The following ABCC11 variants were observed in gnomAD, a reference collection of about 807,000 sequenced individuals.
The protein encoded by ABCC11 is ATP-binding cassette sub-family C member 11.
ABCC11 carries 135 observed loss-of-function variants against 149.3 expected under a neutral mutation model. The observed-to-expected ratio is 0.90, with a 90% confidence interval of 0.79 to 1.04. ABCC11 has a LOEUF of 1.04. ABCC11 is among the 50% of genes least tolerant of loss of function. The pLI, the probability that ABCC11 is intolerant of heterozygous loss-of-function variation, is 0.00. For synonymous variants in ABCC11, 665 were observed against 671.4 expected (o/e 0.99, Z 0.15); for missense variants, 1,680 against 1,722.1 (o/e 0.98, Z 0.43).
At chr16:48,173,630 C>T (rs958459841) in intron 26 of ABCC11, among the ~76,000 whole-genome samples, 3 of 152,040 alleles carry the variant, frequency 2.0e-5, no homozygotes, top group East Asian at 1.9e-4. Context: ...TGTGTGGGGG[C>T]GGGGAAGGTT....
intron 1 of ABCC11, among the ~76,000 whole-genome samples, chr16:48,242,643 A>C (rs56999468): frequency 0.047 from 7,147 of 152,270 alleles, 231 homozygotes; most frequent in Middle Eastern, 0.15. Flanking sequence ...CTTGGAACCA[A>C]CCCAAATGTC....
At chr16:48,229,352 G>T (rs1260642523) in intron 3 of ABCC11, among the ~76,000 whole-genome samples, 1 of 151,080 alleles carries the variant, frequency 6.6e-6, no homozygotes, top group Admixed American at 6.6e-5. Context: ...CAGAAGCTCA[G>T]ATTTTAAAAA....
intron 22 of ABCC11, 126 bp downstream of exon 22, chr16:48,186,827 C>A: frequency 8.4e-7 from 1 of 1,192,422 alleles, no homozygotes; most frequent in Non-Finnish European, 1.2e-6. Context: ...CAGAGAAATA[C>A]GTCCATCGAA....
rs1326680243 is a variant in ABCC11 at position 48,215,303 on chromosome 16, T to C, written c.993A>G (p.Thr331=). The change falls in exon 8 of 30, where the codon ACA becomes ACG. Residue 331 remains threonine (T), a synonymous_variant. Transcript: ENST00000356608. Reference sequence around the variant, plus strand: ...GGATGCGCTGGTCGCTGACCTCAGATGTGTGATGCTGAGCCTTCACAGCCA... The same window carrying C: ...GGATGCGCTGGTCGCTGACCTCAGACGTGTGATGCTGAGCCTTCACAGCCA... The part of the protein sequence containing the change: ...TRMAVKAQHH[T]SEVSDQRIRV... The C allele has an allele frequency of 6.2e-7, 1 of 1,614,112 alleles. No individual in the cohort carries two copies. Among genetic ancestry groups the C allele is most frequent in the Non-Finnish European group, 8.5e-7 (1 of 1,179,956 alleles).
intron 4 of ABCC11, among the ~76,000 whole-genome samples, chr16:48,226,870 G>A (rs1207514459): frequency 6.6e-6 from 1 of 152,010 alleles, no homozygotes; most frequent in East Asian, 1.9e-4. Flanking sequence ...TGCTCTTTAT[G>A]GGGAGGCTCT....
chr16:48,175,204 A>C (rs1965968533), intron 26 of ABCC11, 54 bp downstream of exon 26: 25 of 1,573,752 alleles, frequency 1.6e-5, no homozygotes, highest in Non-Finnish European at 2.1e-5. Context: ...CCGGTGCTGG[A>C]ATCCTGGTCC....
chr16:48,241,135 C>A (rs554908442), intron 1 of ABCC11, among the ~76,000 whole-genome samples: 6 of 152,142 alleles, frequency 3.9e-5, no homozygotes, highest in Non-Finnish European at 8.8e-5. Context: ...GGGATTTCAC[C>A]ATGTTAGCCA....
At chr16:48,243,654 T>C (rs1385188172) in intron 1 of ABCC11, among the ~76,000 whole-genome samples, 1 of 152,140 alleles carries the variant, frequency 6.6e-6, no homozygotes, top group Non-Finnish European at 1.5e-5. Context: ...CAGACGAAAC[T>C]GGGTGAAAGG....
chr16:48,169,322 ACC>A (rs1379322070), intron 28 of ABCC11, among the ~76,000 whole-genome samples: 1 of 152,166 alleles, frequency 6.6e-6, no homozygotes, highest in Non-Finnish European at 1.5e-5. Context: ...ACCATGCCTC[ACC>A]CACACCACAA....
At chr16:48,228,804 CATAA>C (rs1970247881) in intron 3 of ABCC11, among the ~76,000 whole-genome samples, 1 of 151,690 alleles carries the variant, frequency 6.6e-6, no homozygotes, top group Non-Finnish European at 1.5e-5. Context: ...AAATTGAATA[CATAA>C]ATAATTAAAG....
intron 19 of ABCC11, 106 bp downstream of exon 19, chr16:48,193,773 G>A (rs1409879116): frequency 2.2e-6 from 2 of 906,974 alleles, no homozygotes; most frequent in Non-Finnish European, 3.4e-6. Context: ...GGCTTGTCAT[G>A]TGGGTCCCAA....
Position 48,198,189 on chromosome 16 carries a change from CT to C in ABCC11, c.2168del (p.Lys723ArgfsTer26). The C allele has an allele frequency of 1.2e-6, 2 of 1,614,188 alleles. No homozygotes were observed. Among genetic ancestry groups the C allele is most frequent in the Non-Finnish European group, 1.7e-6 (2 of 1,180,040 alleles). On this transcript the variant is annotated frameshift_variant, in exon 16 of 30. Coordinates refer to ENST00000356608, the MANE Select transcript of ABCC11 (RefSeq NM_001370497.1). LOFTEE classifies it high-confidence loss of function. ...TCTGGATAAGTTGGGCATATTTCCC[CT>C]TTTTCTGCATTAACTCACTGTGAGT... ...NGTHSELMQK[K>X]GKYAQLIQKM... is the part of the protein sequence containing the mutation.
At chr16:48,220,592 A>T (rs1404721403) in intron 6 of ABCC11, among the ~76,000 whole-genome samples, 1 of 152,204 alleles carries the variant, frequency 6.6e-6, no homozygotes, top group Non-Finnish European at 1.5e-5. Context: ...CATGCTTTAC[A>T]TGTACAAACT....
At chr16:48,213,391 G>A in intron 10 of ABCC11, 52 bp downstream of exon 10, 2 of 1,508,390 alleles carry the variant, frequency 1.3e-6, no homozygotes, top group South Asian at 1.2e-5. Context: ...GGGGGCTGAA[G>A]GCAGAGGAGC....
chr16:48,186,960 T>C lies in ABCC11; in HGVS notation c.3064A>G (p.Ile1022Val). 1 of 1,614,174 alleles carries C rather than the reference T, an allele frequency of 6.2e-7. No homozygotes were observed. Among genetic ancestry groups the C allele is most frequent in the Admixed American group, 1.7e-5 (1 of 60,022 alleles). Residue 1022 changes from isoleucine to valine, a missense_variant, in exon 22 of 30, where the codon ATC becomes GTC. Physicochemically the swap from Ile to Val is conservative, Grantham distance 29. Transcript: ENST00000356608. ...IHVYGKTEDF[I>V]SQFKRLTDAQ... ...GGCAGCAGAAGGACTCACTGGCTGA[T>C]GAAGTCTTCAGTTTTTCCATAGACA...
chr16:48,166,055 C>T lies in ABCC11; in HGVS notation c.*1219G>A, dbSNP rs1463339052. Among the ~76,000 whole-genome samples, 2 of 152,174 alleles carry T rather than the reference C, an allele frequency of 1.3e-5. No individual in the cohort carries two copies. Among genetic ancestry groups the T allele is most frequent in the Non-Finnish European group, 2.9e-5 (2 of 68,024 alleles). On this transcript the variant is annotated 3_prime_UTR_variant, in exon 30 of 30. Transcript: ENST00000356608. ...CATAGTAGACAGCTGCTATCTGGGG[C>T]CTGGCCAGCATCCATATCCATTCTT...
At chr16:48,212,860 A>G (rs33997658) in intron 10 of ABCC11, among the ~76,000 whole-genome samples, 3,164 of 152,322 alleles carry the variant, frequency 0.021, 48 homozygotes, top group Non-Finnish European at 0.036. Flanking sequence ...GATGCCAGCT[A>G]TGTAAATAAG....
intron 25 of ABCC11, chr16:48,176,044 CTGAA>C (rs1291673685): frequency 2.0e-5 from 3 of 152,270 alleles, no homozygotes; most frequent in Non-Finnish European, 2.9e-5. Context: ...TAAAAACCTA[CTGAA>C]TGAATATAGG....
At chr16:48,199,164 A>G (rs1184992906) in intron 15 of ABCC11, among the ~76,000 whole-genome samples, 2 of 151,916 alleles carry the variant, frequency 1.3e-5, no homozygotes, top group Admixed American at 1.3e-4. Context: ...TAAATTCTAT[A>G]AAGTTTAAAA....
Sources: gnomAD v4.1 joint callset for allele counts (sites outside exome capture counted in the v4.1 genomes callset) on GRCh38, gnomAD v4.1.1 for gene constraint, MANE v1.5 for transcripts, NCBI Gene and HGNC (gene_info 2026-07-23, HGNC 2026-07-21) for gene names.